Variants in ARHGAP31 observed in about 807,000 individuals in gnomAD.
ARHGAP31 encodes rho GTPase-activating protein 31.
A neutral mutation model predicts 113.9 loss-of-function variants in ARHGAP31; 34 were observed. The observed-to-expected ratio is 0.30, with a 90% CI of 0.23 to 0.40. The LOEUF is 0.40. Among genes scored for constraint, ARHGAP31 ranks in the 10% least tolerant of loss-of-function variants. The pLI is 1.00. For synonymous variants in ARHGAP31, 650 were observed against 684.8 expected, an observed-to-expected ratio of 0.95 and a Z score of 0.79; for missense variants, 1,548 against 1,767.1, an observed-to-expected ratio of 0.88 and a Z score of 2.22.
chr3:119,396,020 A>C (rs1287709821), intron 8 of ARHGAP31, among the ~76,000 whole-genome samples: 1 of 152,242 alleles, frequency 6.6e-6, no homozygotes, highest in Non-Finnish European at 1.5e-5. Context: ...AGAGAATTTC[A>C]GTTGCAGAAT....
intron 1 of ARHGAP31, 23 bp downstream of exon 1, chr3:119,295,027 C>T (rs1338100096): frequency 2.5e-6 from 4 of 1,606,534 alleles, no homozygotes; most frequent in African/African-American, 1.3e-5. Flanking sequence ...GGCCTTTCTC[C>T]CCCGCCCCCA....
intron 1 of ARHGAP31, among the ~76,000 whole-genome samples, chr3:119,355,259 G>A (rs1205120176): frequency 6.6e-6 from 1 of 152,174 alleles, no homozygotes; most frequent in African/African-American, 2.4e-5. Flanking sequence ...TCAAAATGGA[G>A]ATCATTTTGT....
chr3:119,352,004 C>T (rs1442991753), intron 1 of ARHGAP31, among the ~76,000 whole-genome samples: 1 of 152,182 alleles, frequency 6.6e-6, no homozygotes, highest in Non-Finnish European at 1.5e-5. Context: ...TTCTGTCCTC[C>T]ATCAGCAGCC....
chr3:119,368,832 G>T (rs1200938831), intron 3 of ARHGAP31, among the ~76,000 whole-genome samples: 1 of 152,190 alleles, frequency 6.6e-6, no homozygotes, highest in Non-Finnish European at 1.5e-5. Context: ...CTGGCCCAAG[G>T]TCACACAGCA....
intron 1 of ARHGAP31, among the ~76,000 whole-genome samples, chr3:119,304,768 G>A (rs188374536): frequency 2.2e-4 from 34 of 152,170 alleles, no homozygotes; most frequent in Admixed American, 1.9e-3. Flanking sequence ...GGTGGTGGGC[G>A]CCTGTAATCC....
At chr3:119,305,234 A>G (rs934716536) in intron 1 of ARHGAP31, among the ~76,000 whole-genome samples, 1 of 152,226 alleles carries the variant, frequency 6.6e-6, no homozygotes, top group Non-Finnish European at 1.5e-5. Context: ...CAGGTCTGAT[A>G]TGCAGAGCTC....
intron 5 of ARHGAP31, among the ~76,000 whole-genome samples, 188 bp from the exon 6 acceptor site, chr3:119,382,896 A>G (rs536691883): frequency 6.6e-6 from 1 of 152,304 alleles, no homozygotes; most frequent in South Asian, 2.1e-4. Flanking sequence ...AACTGTTTCA[A>G]ATTTGTTCAG....
intron 4 of ARHGAP31, among the ~76,000 whole-genome samples, chr3:119,381,983 C>A (rs190491051): frequency 0.011 from 1,133 of 103,930 alleles, 18 homozygotes; most frequent in Non-Finnish European, 0.016. Flanking sequence ...GAGACTCCGT[C>A]TCAAAAAAAA....
chr3:119,393,598 A>G lies in ARHGAP31; in HGVS notation c.1006+7A>G. ...AGAGGACAGAGGCTCTCGGGTAAGA[A>G]TCAACAGCAATTGTTTTATGATACA... On this transcript the variant is annotated splice_region_variant and intron_variant, in intron 8 of 11. Transcript: ENST00000264245. 6.2e-7 allele frequency: 1 copy of G among 1,614,038 alleles called. No individual in the cohort carries two copies. Among genetic ancestry groups the G allele is most frequent in the South Asian group, 1.1e-5 (1 of 91,076 alleles).
In ARHGAP31 at chr3:119,402,295, G is replaced by A. The variant is rs1350920128; in HGVS notation, c.1543G>A (p.Glu515Lys). Residue 515 changes from glutamate (E) to lysine (K), a missense_variant, in exon 10 of 12, where the codon GAG (glutamate) becomes AAG (lysine). Glu to Lys is a moderately conservative substitution (Grantham distance 56, BLOSUM62 1). Coordinates refer to ENST00000264245, the MANE Select transcript of ARHGAP31 (RefSeq NM_020754.4). ...CACGCCGTGCAGAACACCCCCGAAG[G>A]AGCTGCAGTCTCTTTCCAGCCTGGA... ...NSTPCRTPPK[E>K]LQSLSSLEEF... The A allele has an allele frequency of 5.6e-6, 9 of 1,614,252 alleles. No homozygotes were observed. The highest frequency in any genetic ancestry group is 2.7e-5 in the African/African-American group (2 of 75,060).
chr3:119,336,790 AT>A (rs1433567567), intron 1 of ARHGAP31, among the ~76,000 whole-genome samples: 2 of 152,176 alleles, frequency 1.3e-5, no homozygotes, highest in Non-Finnish European at 2.9e-5. Flanking sequence ...CCTTATACCC[AT>A]TAATAGCCAT....
chr3:119,391,396 G>A (rs112484165), intron 7 of ARHGAP31, among the ~76,000 whole-genome samples: 1 of 152,042 alleles, frequency 6.6e-6, no homozygotes, highest in Non-Finnish European at 1.5e-5. Context: ...AAAAGCATAG[G>A]GTTGACAAAT....
intron 1 of ARHGAP31, among the ~76,000 whole-genome samples, chr3:119,317,928 T>G (rs1227475336): frequency 6.6e-6 from 1 of 152,098 alleles, no homozygotes; most frequent in Non-Finnish European, 1.5e-5. Context: ...GTTGAAGTAG[T>G]GAATAGGAAA....
intron 1 of ARHGAP31, among the ~76,000 whole-genome samples, chr3:119,328,983 CT>C (rs781361348): frequency 2.0e-5 from 3 of 152,136 alleles, no homozygotes; most frequent in Admixed American, 6.5e-5. Context: ...TAAATAACTC[CT>C]AGAAAAATAA....
At chr3:119,400,098 A>C (rs6800924) in intron 9 of ARHGAP31, among the ~76,000 whole-genome samples, 26,824 of 152,210 alleles carry the variant, frequency 0.18, 2,661 homozygotes, top group African/African-American at 0.26. Flanking sequence ...GGTCAGACCA[A>C]AACAATACAG....
intron 1 of ARHGAP31, among the ~76,000 whole-genome samples, chr3:119,317,112 A>G (rs1269535150): frequency 6.6e-6 from 1 of 152,214 alleles, no homozygotes; most frequent in Non-Finnish European, 1.5e-5. Context: ...TTGATAAAAA[A>G]TGCTCAGCAC....
intron 1 of ARHGAP31, among the ~76,000 whole-genome samples, chr3:119,302,337 G>A (rs1468375610): frequency 6.6e-6 from 1 of 152,208 alleles, no homozygotes; most frequent in African/African-American, 2.4e-5. Flanking sequence ...GAACAAACAG[G>A]CTGACTGTAA....
chr3:119,295,125 A>G, intron 1 of ARHGAP31, 121 bp downstream of exon 1: 1 of 859,454 alleles, frequency 1.2e-6, no homozygotes, highest in Non-Finnish European at 1.8e-6. Flanking sequence ...CTGTGCGCTC[A>G]TTGCACTTTT....
At chr3:119,342,776 C>T (rs2080020510) in intron 1 of ARHGAP31, among the ~76,000 whole-genome samples, 2 of 151,962 alleles carry the variant, frequency 1.3e-5, no homozygotes, top group Non-Finnish European at 1.5e-5. Flanking sequence ...ATGGAGAAAC[C>T]CCATCTCTAC....
Sources: gnomAD v4.1 joint callset for allele counts (sites outside exome capture counted in the v4.1 genomes callset) on GRCh38, gnomAD v4.1.1 for gene constraint, MANE v1.5 for transcripts, NCBI Gene and HGNC (gene_info 2026-07-23, HGNC 2026-07-21) for gene names.